CUX2: variants seen among roughly 807,000 people sequenced by gnomAD.
CUX2 encodes the protein homeobox protein cut-like 2.
CUX2 carries 40 observed loss-of-function variants against 144.8 expected under a neutral mutation model. That is an observed-to-expected ratio of 0.28 (90% CI 0.21 to 0.36). CUX2 has a LOEUF of 0.36. Ranked by LOEUF, CUX2 falls within the 10% of genes least tolerant of loss-of-function variation. The pLI, the probability that CUX2 is intolerant of heterozygous loss-of-function variation, is 1.00. For synonymous variants in CUX2, 827 were observed against 875.6 expected (o/e 0.94, Z 0.98); for missense variants, 1,615 against 1,994.0 (o/e 0.81, Z 3.62).
At chr12:111,176,039 C>CTTTTT (rs1172563784) in intron 1 of CUX2, among the ~76,000 whole-genome samples, 22 of 70,198 alleles carry the variant, frequency 3.1e-4, no homozygotes, top group African/African-American at 4.6e-4. Context: ...TCTTCTTCTT[C>CTTTTT]TTTTTTTTTT....
intron 3 of CUX2, among the ~76,000 whole-genome samples, chr12:111,230,719 G>A (rs1054234991): frequency 5.3e-5 from 8 of 152,322 alleles, no homozygotes; most frequent in East Asian, 1.9e-4. Context: ...ACCATCTAGC[G>A]GAAGAGACAG....
At position 111,334,568 on chromosome 12, in the gene CUX2, C is replaced by T. The variant is rs1453821940; in HGVS notation, c.3054C>T (p.Arg1018=). The T allele has an allele frequency of 6.2e-7, 1 of 1,613,966 alleles. No individual in the cohort carries two copies. The highest frequency in any genetic ancestry group is 8.5e-7 in the Non-Finnish European group (1 of 1,180,042). The change falls in exon 19 of 22, where the codon CGC becomes CGT. Residue 1018 remains arginine, a synonymous_variant. Transcript: ENST00000261726. ...SSKENQQPEG[R]SSSSLSGKMY... ...AGGAGAACCAGCAGCCAGAGGGCCG[C>T]TCCAGCTCCTCGTTGAGCGGGAAGA...
chr12:111,229,632 T>TG (rs912861064), intron 3 of CUX2, among the ~76,000 whole-genome samples: 2 of 152,094 alleles, frequency 1.3e-5, no homozygotes, highest in Non-Finnish European at 2.9e-5. Context: ...CTGGGTATGG[T>TG]GGCTCACACC....
rs1207315215 is a variant in CUX2, at chr12:111,158,445, C to CA, written c.64-55743dup. On this transcript the variant is annotated intron_variant, in intron 1 of 21. Coordinates refer to ENST00000261726, the MANE Select transcript of CUX2 (RefSeq NM_015267.4). ...CAACAAAGTGAGACCCAGTCTCTAC[C>CA]AAAAAAAAAAAAGAATTAATTTTTA... Among the ~76,000 whole-genome samples, 398 of 96,302 alleles carry CA rather than the reference C, an allele frequency of 4.1e-3. 1 individual carries two copies. Among genetic ancestry groups the CA allele is most frequent in the South Asian group, 5.2e-3 (16 of 3,094 alleles). The allele number at this position is 96,302 out of a possible 152,430, so 63.2% of individuals were successfully genotyped here.
intron 16 of CUX2, among the ~76,000 whole-genome samples, chr12:111,313,514 C>T (rs766700796): frequency 7.3e-5 from 11 of 151,686 alleles, no homozygotes; most frequent in Admixed American, 2.0e-4. Context: ...TGGTGGCGCA[C>T]GCCTGTAATC....
chr12:111,346,997 G>A (rs1320882393), intron 21 of CUX2, among the ~76,000 whole-genome samples: 2 of 152,214 alleles, frequency 1.3e-5, no homozygotes, highest in Non-Finnish European at 2.9e-5. Flanking sequence ...GGGTGACAGA[G>A]TGAGACTCTG....
At chr12:111,056,480 A>T (rs1430728630) in intron 1 of CUX2, among the ~76,000 whole-genome samples, 1 of 152,190 alleles carries the variant, frequency 6.6e-6, no homozygotes, top group East Asian at 1.9e-4. Flanking sequence ...TGGGAACCCC[A>T]GTTTATGGCC....
At chr12:111,243,732 G>A (rs900026793) in intron 3 of CUX2, among the ~76,000 whole-genome samples, 7 of 151,882 alleles carry the variant, frequency 4.6e-5, no homozygotes, top group African/African-American at 1.7e-4. Context: ...AGGGGTTCCC[G>A]GCAAGCAGAA....
intron 1 of CUX2, among the ~76,000 whole-genome samples, chr12:111,189,004 C>G (rs1197097920): frequency 6.6e-6 from 1 of 152,144 alleles, no homozygotes; most frequent in Non-Finnish European, 1.5e-5. Context: ...GGTGCACAGA[C>G]CAGGCACAGT....
At chr12:111,084,872 G>A (rs746380452) in intron 1 of CUX2, among the ~76,000 whole-genome samples, 10 of 152,050 alleles carry the variant, frequency 6.6e-5, no homozygotes, top group Non-Finnish European at 1.2e-4. Flanking sequence ...AGGCTGCTGC[G>A]GGGTGCAGGG....
chr12:111,290,784 G>A (rs903651015), intron 4 of CUX2, among the ~76,000 whole-genome samples: 2 of 151,716 alleles, frequency 1.3e-5, no homozygotes, highest in Non-Finnish European at 2.9e-5. Context: ...GGCTGGTCTT[G>A]AACTCCTGGG....
chr12:111,230,208 G>A (rs1328810287), intron 3 of CUX2, among the ~76,000 whole-genome samples: 1 of 146,032 alleles, frequency 6.8e-6, no homozygotes, highest in Non-Finnish European at 1.5e-5. Context: ...GGGGGGGAGG[G>A]GAGGAACGGG....
intron 1 of CUX2, among the ~76,000 whole-genome samples, chr12:111,125,470 C>A (rs147136233): frequency 6.6e-6 from 1 of 152,290 alleles, no homozygotes; most frequent in African/African-American, 2.4e-5. Context: ...TGTGCCACTG[C>A]GCCCGGCCTG....
chr12:111,034,176 A>G lies in CUX2; in HGVS notation c.-2A>G. ...TGTGTGCGCGTCTCGATAGCCCCCA[A>G]GATGGCCGCCAATGTGGGATCGATG... is the stretch of plus-strand genomic sequence containing the variant. On this transcript the variant is annotated 5_prime_UTR_variant, in exon 1 of 22. Coordinates refer to ENST00000261726, the MANE Select transcript of CUX2 (RefSeq NM_015267.4). This position sits in a 1 kb window ranked among gnomAD's most constrained non-coding sequence, Gnocchi z 4.2. 2 of 1,398,242 alleles carry G rather than the reference A, an allele frequency of 1.4e-6. No individual in the cohort carries two copies. Among genetic ancestry groups the G allele is most frequent in the Non-Finnish European group, 9.6e-7 (1 of 1,046,396 alleles). The allele number at this position is 1,398,242 out of a possible 1,614,324, so 86.6% of individuals were successfully genotyped here.
chr12:111,085,345 A>C (rs933541538), intron 1 of CUX2, among the ~76,000 whole-genome samples: 1 of 152,180 alleles, frequency 6.6e-6, no homozygotes, highest in African/African-American at 2.4e-5. Context: ...TAGAGAGCCC[A>C]TTGTTAACCA....
chr12:111,141,429 A>G (rs1876309603), intron 1 of CUX2, among the ~76,000 whole-genome samples: 1 of 152,182 alleles, frequency 6.6e-6, no homozygotes, highest in Non-Finnish European at 1.5e-5. Flanking sequence ...CTCGGACTAA[A>G]CAAGATGAAA....
intron 3 of CUX2, among the ~76,000 whole-genome samples, chr12:111,225,326 T>C (rs1882077907): frequency 6.6e-6 from 1 of 152,194 alleles, no homozygotes. Context: ...AAGTTTCTGC[T>C]CCTACCCATT....
chr12:111,182,337 G>T (rs1307705487), intron 1 of CUX2, among the ~76,000 whole-genome samples: 1 of 152,158 alleles, frequency 6.6e-6, no homozygotes, highest in Non-Finnish European at 1.5e-5. Flanking sequence ...CTGAAGAGTG[G>T]GCTCCAGGTA....
At chr12:111,319,371 A>C (rs952607798) in intron 16 of CUX2, among the ~76,000 whole-genome samples, 5 of 152,198 alleles carry the variant, frequency 3.3e-5, no homozygotes, top group African/African-American at 1.2e-4. Flanking sequence ...AGAACAAGTG[A>C]ACAAGCCACT....
Sources: allele counts gnomAD v4.1 joint callset (sites outside exome capture counted in the v4.1 genomes callset), GRCh38; gene constraint gnomAD v4.1.1; non-coding constraint Gnocchi (gnomAD v3.1); transcripts MANE v1.5; gene names NCBI Gene and HGNC (gene_info 2026-07-23, HGNC 2026-07-21).